Variants in PWWP2A observed in about 807,000 individuals in gnomAD.
PWWP2A encodes PWWP domain containing 2A.
A neutral mutation model predicts 48.5 loss-of-function variants in PWWP2A; 18 were observed. The observed-to-expected ratio is 0.37, with a 90% CI of 0.26 to 0.55. The LOEUF is 0.55. PWWP2A is among the 20% of genes least tolerant of loss of function. The pLI is 0.81. For synonymous variants in PWWP2A, 396 were observed against 387.7 expected (o/e 1.02, Z -0.25); for missense variants, 867 against 976.4 (o/e 0.89, Z 1.49).
chr5:160,100,366 G>A (rs1024330790), intron 1 of PWWP2A, among the ~76,000 whole-genome samples: 1 of 152,124 alleles, frequency 6.6e-6, no homozygotes, highest in African/African-American at 2.4e-5. Context: ...GCACATGCCT[G>A]TAGTCACAGC....
chr5:160,102,994 G>C (rs1756473247), intron 1 of PWWP2A, among the ~76,000 whole-genome samples: 1 of 152,122 alleles, frequency 6.6e-6, no homozygotes, highest in African/African-American at 2.4e-5. Context: ...CTCTATCAAT[G>C]TTTCTTTAAT....
At chr5:160,087,416 A>G (rs759549707), downstream of PWWP2A, among the ~76,000 whole-genome samples, 6 of 151,856 alleles carry the variant, frequency 4.0e-5, no homozygotes, top group Non-Finnish European at 7.4e-5. Context: ...TGGGGCACCA[A>G]TTAGCATTGT....
intron 1 of PWWP2A, chr5:160,108,715 C>T (rs1187995363): frequency 2.0e-6 from 1 of 510,730 alleles, no homozygotes; most frequent in Non-Finnish European, 3.5e-6. Context: ...CTGAAGTTTC[C>T]TAAGGAAATC....
chr5:160,073,682 T>C (rs1753797920), downstream of PWWP2A, among the ~76,000 whole-genome samples: 1 of 152,152 alleles, frequency 6.6e-6, no homozygotes, highest in Non-Finnish European at 1.5e-5. Flanking sequence ...TCTCTCTTCT[T>C]CTGGCACAGT....
intron 1 of PWWP2A, among the ~76,000 whole-genome samples, chr5:160,095,904 A>C (rs1463115357): frequency 6.6e-6 from 1 of 152,010 alleles, no homozygotes; most frequent in Non-Finnish European, 1.5e-5. Context: ...CATGTTGTCC[A>C]GGCGAATGCC....
At chr5:160,085,356 A>C (rs983151380) in intron 2 of PWWP2A, among the ~76,000 whole-genome samples, 2 of 152,224 alleles carry the variant, frequency 1.3e-5, no homozygotes, top group African/African-American at 2.4e-5. Context: ...AAGTGTGATC[A>C]TAACAGTCTA....
chr5:160,087,729 T>C (rs748096505), downstream of PWWP2A, among the ~76,000 whole-genome samples: 46 of 152,180 alleles, frequency 3.0e-4, no homozygotes, highest in Non-Finnish European at 5.4e-4. Flanking sequence ...ATTTTTTAAA[T>C]ACCACACAAA....
Position 160,106,323 on chromosome 5 carries a change from GTGT to G in PWWP2A, c.585-12261_585-12259del, listed in dbSNP as rs1446877785. On this transcript the variant is annotated intron_variant, in intron 1 of 1. Coordinates refer to ENST00000307063, the MANE Select transcript of PWWP2A (RefSeq NM_001130864.2). ...TTGCTTAAGTAACCTCTGAGCCTTG[GTGT>G]CTATCTATGAAATGGGGATTAATAG... 5.3e-5 allele frequency among the ~76,000 whole-genome samples: 8 copies of G among 152,174 alleles called. No individual in the cohort carries two copies. In the South Asian group the frequency reaches 1.5e-3, roughly 28 times the overall value.
chr5:160,096,182 C>T (rs963890354), intron 1 of PWWP2A, among the ~76,000 whole-genome samples: 2 of 152,220 alleles, frequency 1.3e-5, no homozygotes, highest in East Asian at 1.9e-4. Context: ...CACAAACCAA[C>T]AACTTACAGC....
chr5:160,088,480 C>A (rs772536096), downstream of PWWP2A, among the ~76,000 whole-genome samples: 26 of 152,156 alleles, frequency 1.7e-4, no homozygotes, highest in Non-Finnish European at 2.1e-4. Context: ...GAACTCCTGA[C>A]CTCAGGTGAT....
downstream of PWWP2A, among the ~76,000 whole-genome samples, chr5:160,087,914 C>A (rs1443505046): frequency 6.6e-6 from 1 of 152,162 alleles, no homozygotes; most frequent in Non-Finnish European, 1.5e-5. Flanking sequence ...GGTAAAGACA[C>A]CAAAATACCC....
At chr5:160,109,943 C>A (rs967808584) in intron 1 of PWWP2A, among the ~76,000 whole-genome samples, 4 of 148,898 alleles carry the variant, frequency 2.7e-5, no homozygotes, top group Non-Finnish European at 6.0e-5. Flanking sequence ...AGAAAATTAA[C>A]CAATTGCAAT....
At chr5:160,108,997 G>C (rs1757173693) in intron 1 of PWWP2A, among the ~76,000 whole-genome samples, 1 of 151,902 alleles carries the variant, frequency 6.6e-6, no homozygotes, top group South Asian at 2.1e-4. Context: ...TTTATTTTTT[G>C]TCTTCAGATA....
chr5:160,051,088 T>A, the PWWP2A span: 1 of 1,539,440 alleles, frequency 6.5e-7, no homozygotes, highest in Non-Finnish European at 8.8e-7. Flanking sequence ...TTTGGTTTTT[T>A]TTTTTTTTTT....
downstream of PWWP2A, chr5:160,090,162 A>G (rs911547348): frequency 2.2e-5 from 22 of 985,266 alleles, no homozygotes; most frequent in Non-Finnish European, 2.7e-5. Flanking sequence ...TTTATATTCA[A>G]CAATCATGTT....
chr5:160,066,425 T>TC (rs1433232792), intron 4 of PWWP2A: 2 of 149,842 alleles, frequency 1.3e-5, no homozygotes, highest in East Asian at 4.0e-4. Context: ...GCCTCCAGAG[T>TC]AGCTGGGATT....
chr5:160,105,367 T>C (rs1037201246), intron 1 of PWWP2A, among the ~76,000 whole-genome samples: 8 of 148,028 alleles, frequency 5.4e-5, no homozygotes, highest in Admixed American at 1.4e-4. Context: ...TGAAACCCTG[T>C]CTCTAATAAA....
chr5:160,070,224 T>A (rs929416047), intron 2 of PWWP2A, among the ~76,000 whole-genome samples: 2 of 152,176 alleles, frequency 1.3e-5, no homozygotes, highest in Non-Finnish European at 2.9e-5. Context: ...CCCAACACTT[T>A]GGGAGGCAGA....
downstream of PWWP2A, among the ~76,000 whole-genome samples, chr5:160,071,822 C>T (rs1753745440): frequency 6.6e-6 from 1 of 152,190 alleles, no homozygotes; most frequent in African/African-American, 2.4e-5. Flanking sequence ...CTGTTGTTTT[C>T]TGTGATCACT....
Sources: allele counts gnomAD v4.1 joint callset (sites outside exome capture counted in the v4.1 genomes callset), GRCh38; gene constraint gnomAD v4.1.1; transcripts MANE v1.5; gene names NCBI Gene and HGNC (gene_info 2026-07-23, HGNC 2026-07-21).